The following UBE2O variants were observed in gnomAD, a reference collection of about 807,000 sequenced individuals.
The protein encoded by UBE2O is ubiquitin conjugating enzyme E2 O.
In UBE2O, 15 loss-of-function variants were observed where a neutral mutation model predicts 125.8. The ratio of observed to expected loss-of-function variants is 0.12; its 90% confidence interval spans 0.08 to 0.18. The LOEUF (loss-of-function observed/expected upper bound fraction) is 0.18, where lower values mean the gene tolerates loss of function less well. Among genes scored for constraint, UBE2O ranks in the 10% least tolerant of loss-of-function variants. UBE2O has a pLI of 1.00. For synonymous variants in UBE2O, 708 were observed against 703.2 expected, an observed-to-expected ratio of 1.01 and a Z score of -0.11; for missense variants, 1,280 against 1,723.6, an observed-to-expected ratio of 0.74 and a Z score of 4.56.
At chr17:76,414,233 G>C (rs2072562286) in intron 1 of UBE2O, among the ~76,000 whole-genome samples, 1 of 152,256 alleles carries the variant, frequency 6.6e-6, no homozygotes, top group African/African-American at 2.4e-5. Flanking sequence ...AGCTACGGAA[G>C]CCATTCAACA....
In UBE2O at chr17:76,402,606, C is replaced by CGCCGTTGGATA; in HGVS notation, c.671_681dup (p.Ala228TyrfsTer9). ...TCTCTGGTGGTGAGACTCTACCTGG[C>CGCCGTTGGATA]GCCGTTGGATAGCTTCAGGATGATC... On this transcript the variant is annotated frameshift_variant, in exon 4 of 18. Coordinates refer to ENST00000319380, the MANE Select transcript of UBE2O (RefSeq NM_022066.4). LOFTEE classifies it high-confidence loss of function. This position sits in a 1 kb window ranked among gnomAD's most constrained non-coding sequence, Gnocchi z 5.4. 1 of 1,613,880 alleles carries CGCCGTTGGATA rather than the reference C, an allele frequency of 6.2e-7. No individual in the cohort carries two copies. Among genetic ancestry groups the CGCCGTTGGATA allele is most frequent in the Non-Finnish European group, 8.5e-7 (1 of 1,179,832 alleles).
chr17:76,398,668 C>A lies in UBE2O; in HGVS notation c.1784-84G>T. 6.7e-7 allele frequency: 1 copy of A among 1,492,886 alleles called. No individual in the cohort carries two copies. Among genetic ancestry groups the A allele is most frequent in the Non-Finnish European group, 9.2e-7 (1 of 1,082,854 alleles). 92.5% of individuals were successfully genotyped at this position (1,492,886 alleles called of 1,614,324 possible). ...TCTCAAGCCAGTGCAGAGTGCAGAA[C>A]CCTGACCTTCCCCCGTCTTGGAAGT... is the stretch of plus-strand genomic sequence containing the variant. On this transcript the variant is annotated intron_variant, in intron 10 of 17. Coordinates refer to ENST00000319380, the MANE Select transcript of UBE2O (RefSeq NM_022066.4). The surrounding 1 kb of genome is among the most constrained non-coding windows in gnomAD (Gnocchi z 5.4).
chr17:76,447,207 T>C (rs2073165560), intron 1 of UBE2O, among the ~76,000 whole-genome samples: 1 of 152,276 alleles, frequency 6.6e-6, no homozygotes, highest in Admixed American at 6.5e-5. Context: ...CGTATAGTAA[T>C]GATCTCTGAA....
At chr17:76,449,188 A>C (rs1003215099) in intron 1 of UBE2O, among the ~76,000 whole-genome samples, 1 of 152,258 alleles carries the variant, frequency 6.6e-6, no homozygotes, top group African/African-American at 2.4e-5. Flanking sequence ...GACTAAGATT[A>C]AGCCTTTACT....
At chr17:76,409,566 T>C (rs900676616) in intron 1 of UBE2O, among the ~76,000 whole-genome samples, 5 of 152,112 alleles carry the variant, frequency 3.3e-5, no homozygotes, top group African/African-American at 7.2e-5. Context: ...CGGCTAATTT[T>C]TGTATTTCTA....
In UBE2O at chr17:76,398,567, G is replaced by A; in HGVS notation, c.1801C>T (p.Pro601Ser). The A allele has an allele frequency of 6.2e-7, 1 of 1,614,006 alleles. No individual in the cohort carries two copies. Among genetic ancestry groups the A allele is most frequent in the South Asian group, 1.1e-5 (1 of 91,064 alleles). ...VDKRVQSCPDPAVYGVVQSGD... is the reference protein window; with the variant it reads ...VDKRVQSCPDSAVYGVVQSGD... ...GACTGTACCACACCGTAGACAGCAG[G>A]GTCTGGACAGCTCTGGACTAGGGAA... Residue 601 changes from proline to serine, a missense_variant, in exon 11 of 18, where the codon CCT (proline) becomes TCT (serine). Transcript: ENST00000319380. This position sits in a 1 kb window ranked among gnomAD's most constrained non-coding sequence, Gnocchi z 5.4.
intron 1 of UBE2O, among the ~76,000 whole-genome samples, chr17:76,426,072 G>A (rs913808762): frequency 3.3e-5 from 5 of 152,172 alleles, no homozygotes; most frequent in African/African-American, 1.2e-4. Context: ...GTGTGATCAT[G>A]GTTCACTGCA....
At chr17:76,414,673 C>T (rs112150759) in intron 1 of UBE2O, among the ~76,000 whole-genome samples, 2,653 of 152,312 alleles carry the variant, frequency 0.017, 75 homozygotes, top group African/African-American at 0.06. Context: ...ACAGCCTGCC[C>T]GAGGGACAGA....
rs1199583514 is a variant in UBE2O, at chr17:76,452,715, C to T, written c.417+10G>A. 1.4e-6 allele frequency: 2 copies of T among 1,396,592 alleles called. No individual in the cohort carries two copies. The highest frequency in any genetic ancestry group is 1.8e-6 in the Non-Finnish European group (2 of 1,084,766). 86.5% of individuals were successfully genotyped at this position (1,396,592 alleles called of 1,614,324 possible). ...TGCCGCCCGCGCCGCCCAGCCCCCG[C>T]CCGCCGCACCTTGGTCTCCTTCACA... is the stretch of plus-strand genomic sequence containing the variant. On this transcript the variant is annotated intron_variant, in intron 1 of 17. Coordinates refer to ENST00000319380, the MANE Select transcript of UBE2O (RefSeq NM_022066.4). This position sits in a 1 kb window ranked among gnomAD's most constrained non-coding sequence, Gnocchi z 4.4.
chr17:76,425,225 C>CAAAAAAAAAAAAAAAAAAAAAAAA (rs58377572), intron 1 of UBE2O, among the ~76,000 whole-genome samples: 1 of 95,082 alleles, frequency 1.1e-5, no homozygotes, highest in African/African-American at 3.5e-5. Flanking sequence ...GTCCTTTCGA[C>CAAAAAAAAAAAAAAAAAAAAAAAA]AAAAAAAAAA....
chr17:76,449,330 T>G (rs1028089805), intron 1 of UBE2O, among the ~76,000 whole-genome samples: 3 of 152,250 alleles, frequency 2.0e-5, no homozygotes, highest in African/African-American at 7.2e-5. Context: ...ATTCCAGCAC[T>G]TGGGGAGGCC....
intron 1 of UBE2O, among the ~76,000 whole-genome samples, chr17:76,444,136 G>T (rs996358202): frequency 2.0e-5 from 3 of 152,116 alleles, no homozygotes; most frequent in Non-Finnish European, 2.9e-5. Flanking sequence ...CAGGAGAATC[G>T]CTAGAACCCA....
chr17:76,443,214 T>C (rs1023788668), intron 1 of UBE2O, among the ~76,000 whole-genome samples: 7 of 152,304 alleles, frequency 4.6e-5, no homozygotes, highest in Non-Finnish European at 1.0e-4. Context: ...CATTTTGGTA[T>C]GGTCAATATT....
At chr17:76,440,593 G>C (rs1226188903) in intron 1 of UBE2O, among the ~76,000 whole-genome samples, 2 of 152,230 alleles carry the variant, frequency 1.3e-5, no homozygotes, top group Admixed American at 6.5e-5. Flanking sequence ...CTCCCAAAGT[G>C]TTGGGATTAT....
At chr17:76,406,689 G>GTTT (rs1567838279) in intron 1 of UBE2O, among the ~76,000 whole-genome samples, 2 of 119,266 alleles carry the variant, frequency 1.7e-5, no homozygotes, top group African/African-American at 7.3e-5. Context: ...ATGAGCCCAA[G>GTTT]TTGTTTTTTT....
At chr17:76,431,583 C>T (rs2072908643) in intron 1 of UBE2O, among the ~76,000 whole-genome samples, 1 of 152,096 alleles carries the variant, frequency 6.6e-6, no homozygotes, top group Admixed American at 6.5e-5. Context: ...ACCTACTCAC[C>T]AATTCATTTT....
At position 76,452,989 on chromosome 17, in the gene UBE2O, GCCGGAGTCCGAGGACGGC is replaced by G. The variant is rs1311361043; in HGVS notation, c.135_152del (p.Ser47_Pro52del). ...GCAGGCGCTGCGAGCCGGCTTCTGGGCCGGAGTCCGAGGACGGCCCGGAGGCCGAGTCCGAGGCGGGCG... is the reference window on the plus strand; with the variant it reads ...GCAGGCGCTGCGAGCCGGCTTCTGGGCCGGAGGCCGAGTCCGAGGCGGGCG... On this transcript the variant is annotated inframe_deletion, in exon 1 of 18. Transcript: ENST00000319380. The surrounding 1 kb of genome is among the most constrained non-coding windows in gnomAD (Gnocchi z 4.4). The G allele has an allele frequency of 4.0e-6, 6 of 1,491,886 alleles. No individual in the cohort carries two copies. In the Admixed American group the frequency reaches 7.1e-5, roughly 18 times the overall value. The allele number at this position is 1,491,886 out of a possible 1,614,324, so 92.4% of individuals were successfully genotyped here.
chr17:76,430,316 T>G (rs183512008), intron 1 of UBE2O: 288 of 153,478 alleles, frequency 1.9e-3, no homozygotes, highest in Middle Eastern at 6.6e-3. Context: ...CAATCTACCA[T>G]GTTTACCTAA....
chr17:76,394,299 G>A (rs534521314), intron 15 of UBE2O, among the ~76,000 whole-genome samples: 39 of 152,296 alleles, frequency 2.6e-4, no homozygotes, highest in Non-Finnish European at 4.4e-4. Flanking sequence ...TGCTTGGCTC[G>A]ATGCACAGGC....
Sources: allele counts gnomAD v4.1 joint callset (sites outside exome capture counted in the v4.1 genomes callset), GRCh38; gene constraint gnomAD v4.1.1; non-coding constraint Gnocchi (gnomAD v3.1); transcripts MANE v1.5; gene names NCBI Gene and HGNC (gene_info 2026-07-23, HGNC 2026-07-21).